FRK: variants seen among roughly 807,000 people sequenced by gnomAD.
FRK encodes fyn related Src family tyrosine kinase, also known as tyrosine-protein kinase FRK.
In FRK, 51 loss-of-function variants were observed where a neutral mutation model predicts 56.4. That is an observed-to-expected ratio of 0.90 (90% CI 0.72 to 1.14). The LOEUF is 1.14. Among genes scored for constraint, FRK ranks in the 50% most tolerant of loss-of-function variants. The probability of loss-of-function intolerance (pLI) is 0.00; values close to 1 mark genes in which losing one functional copy is unlikely to be tolerated. For synonymous variants in FRK, 245 were observed against 217.9 expected (o/e 1.12, Z -1.10); for missense variants, 570 against 601.4 (o/e 0.95, Z 0.55).
Position 115,936,402 on chromosome 6 carries a change from A to G in FRK, c.*6012T>C, listed in dbSNP as rs1202836215. On this transcript the variant is annotated 3_prime_UTR_variant, in exon 8 of 8. Transcript: ENST00000606080. ...GCAAAACAGCTGAAAATTCAAAAAA[A>G]CAGAATGCCTCTTCTCCTCCAAAGG... 1 of 152,228 alleles carries G rather than the reference A, an allele frequency of 6.6e-6. No homozygotes were observed. The highest frequency in any genetic ancestry group is 6.5e-5 in the Admixed American group (1 of 15,282). The allele number at this position is 152,228 out of a possible 1,614,324, so 9.4% of individuals were successfully genotyped here. A position where few individuals can be genotyped will look rare whatever the true frequency, so the allele number is the denominator to read the frequency against.
intron 5 of FRK, among the ~76,000 whole-genome samples, chr6:115,950,128 A>G (rs1263092509): frequency 2.0e-5 from 3 of 152,326 alleles, no homozygotes; most frequent in East Asian, 3.9e-4. Context: ...ATGGGCAAAG[A>G]CTTCATGACT....
rs1409201538 is a variant in FRK at position 115,932,138 on chromosome 6, A to C, written c.*10276T>G. The C allele has an allele frequency of 1.3e-5, 2 of 151,602 alleles. No homozygotes were observed. The highest frequency in any genetic ancestry group is 2.9e-5 in the Non-Finnish European group (2 of 67,932). The allele number at this position is 151,602 out of a possible 1,614,324, so 9.4% of individuals were successfully genotyped here. A position where few individuals can be genotyped will look rare whatever the true frequency, so the allele number is the denominator to read the frequency against. ...TGTCATCTGAATGTAGATTGAAGCT[A>C]AACTTGTTAAGGCTTTTGAAATTCA... is the stretch of plus-strand genomic sequence containing the variant. On this transcript the variant is annotated 3_prime_UTR_variant, in exon 8 of 8. Coordinates refer to ENST00000606080, the MANE Select transcript of FRK (RefSeq NM_002031.3).
chr6:116,022,591 A>G (rs2114738934), intron 1 of FRK, among the ~76,000 whole-genome samples: 1 of 152,266 alleles, frequency 6.6e-6, no homozygotes, highest in East Asian at 1.9e-4. Flanking sequence ...TCTTTTTGAA[A>G]AAGTCAACAT....
intron 1 of FRK, among the ~76,000 whole-genome samples, chr6:116,033,022 T>A (rs1776353159): frequency 6.6e-6 from 1 of 152,092 alleles, no homozygotes; most frequent in Admixed American, 6.6e-5. Context: ...AACGTAGCCT[T>A]TTGTTGTCAT....
At chr6:116,100,697 T>G in the FRK span, among the ~76,000 whole-genome samples, 1 of 152,122 alleles carries the variant, frequency 6.6e-6, no homozygotes, top group Non-Finnish European at 1.5e-5. Context: ...GGACGCGAGC[T>G]GACTACCTGA....
intron 1 of FRK, among the ~76,000 whole-genome samples, chr6:116,039,943 TAA>T (rs1170576390): frequency 1.3e-3 from 142 of 105,706 alleles, no homozygotes; most frequent in Admixed American, 1.7e-3. Context: ...CACCTGGCAC[TAA>T]AAAAAAAAAA....
chr6:116,045,650 A>G (rs575419000), intron 1 of FRK, among the ~76,000 whole-genome samples: 137 of 152,364 alleles, frequency 9.0e-4, no homozygotes, highest in Non-Finnish European at 1.6e-3. Context: ...AACCTACTCA[A>G]TACCATTCAG....
At chr6:116,006,414 T>G (rs769888176) in intron 1 of FRK, among the ~76,000 whole-genome samples, 1 of 152,262 alleles carries the variant, frequency 6.6e-6, no homozygotes, top group African/African-American at 2.4e-5. Context: ...TGAGCTTTTA[T>G]ACAGTACTAG....
chr6:116,061,989 GAAAA>G (rs1032793489), upstream of FRK, among the ~76,000 whole-genome samples: 1 of 147,586 alleles, frequency 6.8e-6, no homozygotes, highest in Non-Finnish European at 1.5e-5. Flanking sequence ...GAAAAAGAAA[GAAAA>G]GAAAGAAAGA....
intron 2 of FRK, among the ~76,000 whole-genome samples, chr6:115,989,816 CTCAG>C (rs1187144082): frequency 6.6e-6 from 1 of 151,896 alleles, no homozygotes; most frequent in African/African-American, 2.4e-5. Context: ...AGTGGGATTG[CTCAG>C]TCAAATAGTA....
At chr6:115,958,729 A>AAGAG in intron 4 of FRK, among the ~76,000 whole-genome samples, 1 of 32,164 alleles carries the variant, frequency 3.1e-5, no homozygotes, top group Admixed American at 3.3e-4. Context: ...GAAAGAAAGA[A>AAGAG]AGAAAGAAAG....
At chr6:116,068,451 T>A in the FRK span, among the ~76,000 whole-genome samples, 1 of 152,152 alleles carries the variant, frequency 6.6e-6, no homozygotes, top group South Asian at 2.1e-4. Context: ...CTATTGTAAA[T>A]AAAAAATTGT....
chr6:116,087,249 T>C, the FRK span, among the ~76,000 whole-genome samples: 27,179 of 152,220 alleles, frequency 0.18, 2,916 homozygotes, highest in African/African-American at 0.29. Context: ...GCACGCAGTA[T>C]ATTCTCAATA....
chr6:115,996,935 C>G (rs959451368), intron 2 of FRK, among the ~76,000 whole-genome samples: 4 of 152,130 alleles, frequency 2.6e-5, no homozygotes, highest in Admixed American at 6.5e-5. Flanking sequence ...TGTTACTGTT[C>G]TCATTACTTT....
intron 4 of FRK, among the ~76,000 whole-genome samples, chr6:115,958,704 GAAGAAAGAAAGA>G (rs778214232): frequency 2.0e-3 from 14 of 6,960 alleles, no homozygotes; most frequent in African/African-American, 5.3e-3. Flanking sequence ...AAGAAAGAAA[GAAGAAAGAAAGA>G]AAGAAAGAAA....
intron 1 of FRK, among the ~76,000 whole-genome samples, chr6:116,024,414 C>T (rs994352148): frequency 6.7e-6 from 1 of 150,310 alleles, no homozygotes; most frequent in Non-Finnish European, 1.5e-5. Flanking sequence ...ATCCCTCCCC[C>T]CTCCCCACAC....
rs1772007889 is a variant in FRK, at chr6:115,934,346, C to T, written c.*8068G>A. Reference sequence around the variant, plus strand: ...CATTCACATTAAGCCTATTTTTGGTCCATGGCTGGGCATAGGACCCAAGTT... The same window carrying T: ...CATTCACATTAAGCCTATTTTTGGTTCATGGCTGGGCATAGGACCCAAGTT... On this transcript the variant is annotated 3_prime_UTR_variant, in exon 8 of 8. Coordinates refer to ENST00000606080, the MANE Select transcript of FRK (RefSeq NM_002031.3). 1.3e-5 allele frequency: 2 copies of T among 152,142 alleles called. No individual in the cohort carries two copies. The highest frequency in any genetic ancestry group is 4.1e-4 in the South Asian group (2 of 4,828). The allele number at this position is 152,142 out of a possible 1,614,324, so 9.4% of individuals were successfully genotyped here.
intron 1 of FRK, chr6:116,038,813 A>T (rs1776591476): frequency 2.0e-6 from 1 of 503,334 alleles, no homozygotes; most frequent in Non-Finnish European, 4.0e-6. Flanking sequence ...ACGGAAGAAG[A>T]GCCTGGGGGA....
intron 1 of FRK, among the ~76,000 whole-genome samples, chr6:116,045,283 C>T (rs918435216): frequency 6.6e-6 from 1 of 152,154 alleles, no homozygotes; most frequent in Non-Finnish European, 1.5e-5. Flanking sequence ...CAAGACAATC[C>T]TAAGCAAAAA....
Sources: allele counts gnomAD v4.1 joint callset (sites outside exome capture counted in the v4.1 genomes callset), GRCh38; gene constraint gnomAD v4.1.1; transcripts MANE v1.5; gene names NCBI Gene and HGNC (gene_info 2026-07-23, HGNC 2026-07-21).